The following ACOX2 variants were observed in gnomAD, a reference collection of about 807,000 sequenced individuals.
The protein encoded by ACOX2 is acyl-CoA oxidase 2.
In ACOX2, 59 loss-of-function variants were observed where a neutral mutation model predicts 77.5. That is an observed-to-expected ratio of 0.76 (90% CI 0.62 to 0.95). The LOEUF is 0.95. Among genes scored for constraint, ACOX2 ranks in the 40% least tolerant of loss-of-function variants. The pLI is 0.00. For synonymous variants in ACOX2, 317 were observed against 340.1 expected, an observed-to-expected ratio of 0.93 and a Z score of 0.75; for missense variants, 837 against 880.4, an observed-to-expected ratio of 0.95 and a Z score of 0.62.
chr3:58,536,461 A>T (rs1038391438), intron 1 of ACOX2, among the ~76,000 whole-genome samples: 2 of 152,164 alleles, frequency 1.3e-5, no homozygotes, highest in African/African-American at 4.8e-5. Flanking sequence ...GGGTCATGCA[A>T]CCACATGTAG....
Position 58,521,719 on chromosome 3 carries a change from G to A in ACOX2, c.1632+777C>T, listed in dbSNP as rs111638065. Among the ~76,000 whole-genome samples the A allele has an allele frequency of 1.1e-3, 168 of 152,330 alleles. No individual in the cohort carries two copies. The highest frequency in any genetic ancestry group is 3.7e-3 in the African/African-American group (153 of 41,572). ...CAAAACCCCAACTTTTCACAGTGGT[G>A]CAAAAGGTCAGAGGCCTTGCCTGTC... On this transcript the variant is annotated intron_variant, in intron 12 of 14. Transcript: ENST00000302819. This position sits in a 1 kb window ranked among gnomAD's most constrained non-coding sequence, Gnocchi z 4.8.
rs1484018045 is a variant in ACOX2 at position 58,514,585 on chromosome 3, G to A, written c.1850+2621C>T. Among the ~76,000 whole-genome samples the A allele has an allele frequency of 2.6e-5, 4 of 152,134 alleles. No homozygotes were observed. Among genetic ancestry groups the A allele is most frequent in the African/African-American group, 9.7e-5 (4 of 41,426 alleles). ...CCAAACAGTGATATGCATAGAATCT[G>A]TTATGTGCCTAATTACCCTGCAGTA... On this transcript the variant is annotated intron_variant, in intron 13 of 14. Coordinates refer to ENST00000302819, the MANE Select transcript of ACOX2 (RefSeq NM_003500.4). This position sits in a 1 kb window ranked among gnomAD's most constrained non-coding sequence, Gnocchi z 4.3.
At chr3:58,517,095 G>C (rs1194856877) in intron 13 of ACOX2, 111 bp downstream of exon 13, 3 of 1,092,480 alleles carry the variant, frequency 2.7e-6, no homozygotes, top group Non-Finnish European at 4.1e-6. Context: ...ACCTCTCCAG[G>C]GCTGTTGCTG....
At position 58,517,289 on chromosome 3, in the gene ACOX2, A is replaced by G. The variant is rs1223260087; in HGVS notation, c.1767T>C (p.Gly589=). 1 of 1,614,022 alleles carries G rather than the reference A, an allele frequency of 6.2e-7. No homozygotes were observed. The highest frequency in any genetic ancestry group is 8.5e-7 in the Non-Finnish European group (1 of 1,180,022). Residue 589 remains glycine, a synonymous_variant, in exon 13 of 15, where the codon GGT becomes GGC. Coordinates refer to ENST00000302819, the MANE Select transcript of ACOX2 (RefSeq NM_003500.4). Reference sequence around the variant, plus strand: ...ACAGGAAGGCGTCATGGAGAAAGTCACCCGAGTTAGTCAAGATTCCATGTA... The same window carrying G: ...ACAGGAAGGCGTCATGGAGAAAGTCGCCCGAGTTAGTCAAGATTCCATGTA... The part of the protein sequence containing the change: ...HAIHGILTNS[G]DFLHDAFLSG...
rs757690937 is a variant in ACOX2 at position 58,528,751 on chromosome 3, CCCAGCGCCTG to C, written c.1155+33_1155+42del. Reference sequence around the variant, plus strand: ...CCCAGTGAGTGGAACAATCTTAGCTCCCAGCGCCTGCCAGCGCCTGCCCCTCCGCAGACAG... The same window carrying C: ...CCCAGTGAGTGGAACAATCTTAGCTCCCAGCGCCTGCCCCTCCGCAGACAG... On this transcript the variant is annotated intron_variant, in intron 9 of 14. Coordinates refer to ENST00000302819, the MANE Select transcript of ACOX2 (RefSeq NM_003500.4). The surrounding 1 kb of genome is among the most constrained non-coding windows in gnomAD (Gnocchi z 5.6). 9.6e-6 allele frequency: 15 copies of C among 1,565,216 alleles called. No individual in the cohort carries two copies. The South Asian group carries it at 1.3e-4, about 14-fold the overall frequency.
Position 58,526,574 on chromosome 3 carries a change from C to T in ACOX2, c.1238G>A (p.Gly413Asp). The change falls in exon 10 of 15, where the codon GGC becomes GAC. Residue 413 changes from glycine (G) to aspartate (D), a missense_variant. By Grantham distance (94) the Gly-to-Asp change is moderately conservative. Coordinates refer to ENST00000302819, the MANE Select transcript of ACOX2 (RefSeq NM_003500.4). This position sits in a 1 kb window ranked among gnomAD's most constrained non-coding sequence, Gnocchi z 4.3. The part of the protein sequence containing the change: ...QGAEMCRRAC[G>D]GHGYSKLSGL... ...ACTCAGCTTTGAGTAGCCATGTCCG[C>T]CACAGGCCCTGCGGCACATCTCAGC... The T allele has an allele frequency of 6.2e-7, 1 of 1,614,210 alleles. No homozygotes were observed. Among genetic ancestry groups the T allele is most frequent in the Non-Finnish European group, 8.5e-7 (1 of 1,180,034 alleles).
Position 58,533,764 on chromosome 3 carries a change from G to T in ACOX2, c.476-212C>A. 1 of 680,194 alleles carries T rather than the reference G, an allele frequency of 1.5e-6. No individual in the cohort carries two copies. Among genetic ancestry groups the T allele is most frequent in the Non-Finnish European group, 2.5e-6 (1 of 407,116 alleles). The allele number at this position is 680,194 out of a possible 1,614,324, so 42.1% of individuals were successfully genotyped here. A position where few individuals can be genotyped will look rare whatever the true frequency, so the allele number is the denominator to read the frequency against. ...AGCCAGTCCATGAGAAGGGGTGGCT[G>T]CTGATGTTTCCAGAAGGAATGACTT... On this transcript the variant is annotated intron_variant, in intron 4 of 14. Coordinates refer to ENST00000302819, the MANE Select transcript of ACOX2 (RefSeq NM_003500.4). The surrounding 1 kb of genome is among the most constrained non-coding windows in gnomAD (Gnocchi z 5.6).
At chr3:58,510,315 C>T (rs1305249331) in intron 13 of ACOX2, among the ~76,000 whole-genome samples, 1 of 151,898 alleles carries the variant, frequency 6.6e-6, no homozygotes, top group Non-Finnish European at 1.5e-5. Context: ...AGCTGAAATT[C>T]CATGTTCTAT....
At position 58,531,836 on chromosome 3, in the gene ACOX2, C is replaced by A; in HGVS notation, c.584-24G>T. 1 of 1,606,656 alleles carries A rather than the reference C, an allele frequency of 6.2e-7. No homozygotes were observed. The highest frequency in any genetic ancestry group is 8.5e-7 in the Non-Finnish European group (1 of 1,176,890). ...CACTGAGGGCAGAGAGAGTAGCGGC[C>A]CGTCACAGGAAGACCTGTGCATTGC... On this transcript the variant is annotated intron_variant, in intron 5 of 14. Coordinates refer to ENST00000302819, the MANE Select transcript of ACOX2 (RefSeq NM_003500.4). The surrounding 1 kb of genome is among the most constrained non-coding windows in gnomAD (Gnocchi z 5.8).
At chr3:58,511,876 T>C (rs543054930) in intron 13 of ACOX2, among the ~76,000 whole-genome samples, 1 of 152,232 alleles carries the variant, frequency 6.6e-6, no homozygotes, top group South Asian at 2.1e-4. Context: ...ACTGGATCTG[T>C]TCATGTTTTT....
chr3:58,520,241 G>A (rs938099528), intron 12 of ACOX2, among the ~76,000 whole-genome samples: 7 of 152,246 alleles, frequency 4.6e-5, no homozygotes, highest in African/African-American at 1.7e-4. Context: ...AAGAGACTGA[G>A]GCTCTGAAAG....
intron 13 of ACOX2, chr3:58,511,324 GA>G (rs35748610): frequency 1.0e-5 from 2 of 196,732 alleles, no homozygotes; most frequent in South Asian, 7.6e-5. Context: ...GCAAGTTCAT[GA>G]AAAAGTGGGA....
At chr3:58,511,018 C>T in intron 13 of ACOX2, 1 of 456,552 alleles carries the variant, frequency 2.2e-6, no homozygotes, top group South Asian at 1.5e-5. Context: ...CCACCTTTCC[C>T]ATCTCTTTTG....
At chr3:58,536,004 T>C (rs1349056187) in intron 1 of ACOX2, among the ~76,000 whole-genome samples, 1 of 152,130 alleles carries the variant, frequency 6.6e-6, no homozygotes, top group Non-Finnish European at 1.5e-5. Flanking sequence ...GGTGAACTCT[T>C]GAACTGCAAA....
At chr3:58,530,328 G>T in intron 8 of ACOX2, 138 bp downstream of exon 8, 1 of 1,273,514 alleles carries the variant, frequency 7.9e-7, no homozygotes, top group Non-Finnish European at 1.1e-6. Context: ...TAGATTTTGT[G>T]TTTGTGTGTG....
intron 12 of ACOX2, among the ~76,000 whole-genome samples, chr3:58,520,982 C>CTAAA (rs2063354227): frequency 6.6e-6 from 1 of 152,196 alleles, no homozygotes; most frequent in Admixed American, 6.5e-5. Flanking sequence ...CCTCCCAGGG[C>CTAAA]TGTGTGGATT....
rs946210779 is a variant in ACOX2 at position 58,515,010 on chromosome 3, A to G, written c.1850+2196T>C. Among the ~76,000 whole-genome samples the G allele has an allele frequency of 1.3e-5, 2 of 152,016 alleles. No homozygotes were observed. Among genetic ancestry groups the G allele is most frequent in the Non-Finnish European group, 2.9e-5 (2 of 67,994 alleles). On this transcript the variant is annotated intron_variant, in intron 13 of 14. Coordinates refer to ENST00000302819, the MANE Select transcript of ACOX2 (RefSeq NM_003500.4). The surrounding 1 kb of genome is among the most constrained non-coding windows in gnomAD (Gnocchi z 4.0). ...AACGTATTTTTGACAGTTTTTGATG[A>G]TTTAACTGAACAAACTTTTTTTTTT...
chr3:58,509,698 C>T (rs1417703299), intron 13 of ACOX2, among the ~76,000 whole-genome samples: 1 of 149,998 alleles, frequency 6.7e-6, no homozygotes, highest in Non-Finnish European at 1.5e-5. Context: ...CTCTACCTCC[C>T]GGGCTCAAGC....
intron 13 of ACOX2, among the ~76,000 whole-genome samples, chr3:58,513,708 G>C (rs961689302): frequency 6.6e-6 from 1 of 150,594 alleles, no homozygotes; most frequent in African/African-American, 2.4e-5. Context: ...TGCTTGTTTT[G>C]GTCTCCATCT....
Sources: allele counts gnomAD v4.1 joint callset (sites outside exome capture counted in the v4.1 genomes callset), GRCh38; gene constraint gnomAD v4.1.1; non-coding constraint Gnocchi (gnomAD v3.1); transcripts MANE v1.5; gene names NCBI Gene and HGNC (gene_info 2026-07-23, HGNC 2026-07-21).